ELMO1: variants seen among roughly 807,000 people sequenced by gnomAD.
ELMO1 encodes the protein engulfment and cell motility protein 1.
In ELMO1, 26 loss-of-function variants were observed where a neutral mutation model predicts 98.9. The observed-to-expected ratio is 0.26, with a 90% confidence interval of 0.19 to 0.36. ELMO1 has a LOEUF of 0.36. Among genes scored for constraint, ELMO1 ranks in the 10% least tolerant of loss-of-function variants. ELMO1 has a pLI of 1.00. For synonymous variants in ELMO1, 346 were observed against 346.0 expected, an observed-to-expected ratio of 1.00 and a Z score of 0.00; for missense variants, 627 against 935.2, an observed-to-expected ratio of 0.67 and a Z score of 4.30.
chr7:36,979,514 CAG>C (rs1790865718), intron 16 of ELMO1, among the ~76,000 whole-genome samples: 1 of 152,110 alleles, frequency 6.6e-6, no homozygotes, highest in African/African-American at 2.4e-5. Context: ...GACGCTGGCT[CAG>C]GGAATCTAGG....
At chr7:37,093,171 A>G (rs1326881989) in intron 15 of ELMO1, among the ~76,000 whole-genome samples, 2 of 149,618 alleles carry the variant, frequency 1.3e-5, no homozygotes, top group Non-Finnish European at 2.9e-5. Flanking sequence ...GCAGGAAAAT[A>G]GTGCTGTTTT....
At chr7:37,206,277 A>G (rs1000086671) in intron 13 of ELMO1, among the ~76,000 whole-genome samples, 2 of 152,208 alleles carry the variant, frequency 1.3e-5, no homozygotes, top group Admixed American at 6.5e-5. Context: ...ATTATCCCTC[A>G]TTTTAAAGAA....
intron 5 of ELMO1, chr7:37,270,930 CTT>C: frequency 6.7e-6 from 1 of 149,806 alleles, no homozygotes; most frequent in East Asian, 1.9e-4. Flanking sequence ...CACACACTGA[CTT>C]TTTCTTTTTT....
intron 7 of ELMO1, among the ~76,000 whole-genome samples, chr7:37,234,865 T>C (rs929238935): frequency 2.1e-4 from 32 of 152,206 alleles, no homozygotes; most frequent in African/African-American, 7.7e-4. Flanking sequence ...AAGGACAAGA[T>C]TTTCAAATGT....
chr7:36,873,383 A>C (rs1760837829), intron 19 of ELMO1, among the ~76,000 whole-genome samples: 1 of 152,184 alleles, frequency 6.6e-6, no homozygotes, highest in Admixed American at 6.5e-5. Flanking sequence ...TTTGTGTGGA[A>C]GCAAGATAAA....
intron 15 of ELMO1, among the ~76,000 whole-genome samples, chr7:37,088,908 A>G (rs1309528422): frequency 7.2e-5 from 11 of 152,252 alleles, no homozygotes; most frequent in Non-Finnish European, 1.6e-4. Flanking sequence ...TTGAAATAGA[A>G]TGTAAGAGTA....
intron 5 of ELMO1, among the ~76,000 whole-genome samples, chr7:37,267,036 TATACACACACACACAC>T (rs1420721824): frequency 3.7e-5 from 1 of 26,934 alleles, no homozygotes; most frequent in Admixed American, 4.3e-4. Context: ...AATATGTATA[TATACACACACACACAC>T]ACACACACAC....
At chr7:37,049,606 A>G (rs189164647) in intron 15 of ELMO1, among the ~76,000 whole-genome samples, 1 of 151,882 alleles carries the variant, frequency 6.6e-6, no homozygotes, top group East Asian at 1.9e-4. Flanking sequence ...ATATTCGTTC[A>G]TGGGATTCAA....
intron 16 of ELMO1, among the ~76,000 whole-genome samples, chr7:36,941,017 C>A (rs1786989839): frequency 2.6e-5 from 4 of 152,234 alleles, no homozygotes; most frequent in Admixed American, 2.6e-4. Context: ...ATAGCATCGG[C>A]TCTCAGCTCT....
chr7:37,132,152 TGA>T (rs1289660417), intron 14 of ELMO1, among the ~76,000 whole-genome samples: 1 of 152,148 alleles, frequency 6.6e-6, no homozygotes, highest in Non-Finnish European at 1.5e-5. Flanking sequence ...ATGCCCACAC[TGA>T]CATCACTAGA....
intron 1 of ELMO1, among the ~76,000 whole-genome samples, chr7:37,413,534 A>AT (rs1311515957): frequency 6.6e-6 from 1 of 152,240 alleles, no homozygotes; most frequent in Non-Finnish European, 1.5e-5. Context: ...CTGTCTGAAG[A>AT]TATTTTTCAC....
chr7:37,394,272 C>T (rs1203837054), intron 1 of ELMO1, among the ~76,000 whole-genome samples: 1 of 152,146 alleles, frequency 6.6e-6, no homozygotes, highest in Non-Finnish European at 1.5e-5. Context: ...CACCAAGGAG[C>T]AGCTCAACAT....
At chr7:36,884,763 C>A (rs1016377761) in intron 18 of ELMO1, among the ~76,000 whole-genome samples, 3 of 152,198 alleles carry the variant, frequency 2.0e-5, no homozygotes, top group African/African-American at 7.2e-5. Flanking sequence ...CTATTTGTTC[C>A]TTCACTTTCC....
intron 16 of ELMO1, among the ~76,000 whole-genome samples, chr7:36,969,005 G>C (rs1374491561): frequency 6.6e-6 from 1 of 152,040 alleles, no homozygotes; most frequent in Non-Finnish European, 1.5e-5. Context: ...CTTTGGTTCA[G>C]TGGTTATTTA....
At chr7:37,155,373 G>C (rs763487158) in intron 13 of ELMO1, among the ~76,000 whole-genome samples, 2 of 150,714 alleles carry the variant, frequency 1.3e-5, no homozygotes, top group Admixed American at 1.3e-4. Context: ...TGGCAAACTG[G>C]ATAAAGAGTC....
In ELMO1 at chr7:37,348,731, A is replaced by T. The variant is rs995045308; in HGVS notation, c.-73-5968T>A. On this transcript the variant is annotated intron_variant, in intron 1 of 21. Transcript: ENST00000310758. Reference sequence around the variant, plus strand: ...CACCTAGAAACTCATCTCTCTACACATTGTTCTATGCCCCAAGTTCAACAT... The same window carrying T: ...CACCTAGAAACTCATCTCTCTACACTTTGTTCTATGCCCCAAGTTCAACAT... 3.9e-5 allele frequency among the ~76,000 whole-genome samples: 6 copies of T among 152,040 alleles called. No homozygotes were observed. In the South Asian group the frequency reaches 1.2e-3, roughly 32 times the overall value.
intron 16 of ELMO1, among the ~76,000 whole-genome samples, chr7:36,951,639 C>T (rs1025862933): frequency 2.0e-5 from 3 of 152,198 alleles, no homozygotes; most frequent in African/African-American, 7.2e-5. Context: ...TCAGGCAATG[C>T]TGTTGGTGTT....
chr7:37,418,049 C>T (rs563790012), intron 1 of ELMO1, among the ~76,000 whole-genome samples: 2 of 152,072 alleles, frequency 1.3e-5, no homozygotes. Flanking sequence ...TGTGAGAGAA[C>T]AAATCTGCAT....
At chr7:36,953,128 G>A (rs993023704) in intron 16 of ELMO1, among the ~76,000 whole-genome samples, 1 of 151,824 alleles carries the variant, frequency 6.6e-6, no homozygotes, top group Non-Finnish European at 1.5e-5. Flanking sequence ...ACCACGCCCG[G>A]CTAATTTTTT....
Sources: allele counts gnomAD v4.1 joint callset (sites outside exome capture counted in the v4.1 genomes callset), GRCh38; gene constraint gnomAD v4.1.1; transcripts MANE v1.5; gene names NCBI Gene and HGNC (gene_info 2026-07-23, HGNC 2026-07-21).